The following NUP93 variants were observed in gnomAD, a reference collection of about 807,000 sequenced individuals.
NUP93 encodes the protein nuclear pore complex protein Nup93.
In NUP93, 55 loss-of-function variants were observed where a neutral mutation model predicts 107.8. That is an observed-to-expected ratio of 0.51 (90% confidence interval 0.41 to 0.64). The LOEUF is 0.64. NUP93 is among the 30% of genes least tolerant of loss of function. The pLI is 0.00. For missense variants in NUP93, 937 were observed against 1,044.7 expected (o/e 0.90, Z 1.42); for synonymous variants, 390 against 397.5 (o/e 0.98, Z 0.22).
At chr16:56,812,592 C>T (rs1340813951) in intron 5 of NUP93, among the ~76,000 whole-genome samples, 1 of 152,152 alleles carries the variant, frequency 6.6e-6, no homozygotes, top group East Asian at 1.9e-4. Flanking sequence ...ATCTGCCCGC[C>T]TCGGCCTCCC....
At chr16:56,810,622 G>A (rs991852028) in intron 5 of NUP93, among the ~76,000 whole-genome samples, 13 of 152,064 alleles carry the variant, frequency 8.5e-5, no homozygotes, top group Non-Finnish European at 1.5e-5. Flanking sequence ...CCCAGCCTGG[G>A]CAACACAGTG....
intron 5 of NUP93, 164 bp downstream of exon 5, chr16:56,805,796 C>A: frequency 1.4e-6 from 1 of 696,072 alleles, no homozygotes; most frequent in Non-Finnish European, 2.4e-6. Flanking sequence ...CTTCCTCCAA[C>A]ATGTCTGCCT....
At chr16:56,831,601 C>A in intron 10 of NUP93, 1 of 435,074 alleles carries the variant, frequency 2.3e-6, no homozygotes, top group East Asian at 4.3e-5. Flanking sequence ...CATTTCTCAC[C>A]TGCCCATGAA....
intron 5 of NUP93, among the ~76,000 whole-genome samples, chr16:56,812,789 TG>T (rs1440797888): frequency 2.6e-5 from 4 of 152,152 alleles, no homozygotes; most frequent in Admixed American, 1.3e-4. Context: ...CTCTTTAAGT[TG>T]TGATGTGAAT....
At chr16:56,744,303 C>A (rs1311798121) in intron 1 of NUP93, among the ~76,000 whole-genome samples, 2 of 152,070 alleles carry the variant, frequency 1.3e-5, no homozygotes, top group African/African-American at 4.8e-5. Context: ...TCTCTTGGGT[C>A]AAAGTTGATT....
chr16:56,837,676 G>C lies in NUP93; in HGVS notation c.1968G>C (p.Pro656=). 1 of 1,614,074 alleles carries C rather than the reference G, an allele frequency of 6.2e-7. No individual in the cohort carries two copies. The highest frequency in any genetic ancestry group is 8.5e-7 in the Non-Finnish European group (1 of 1,179,978). ...LSPVVPQISA[P]QSNKERLKNM... is the part of the protein sequence containing the mutation. ...CTGTCGTCCCCCAGATCAGTGCCCCGCAATCCAACAAGGAGAGGCTGAAGA... is the reference window on the plus strand; with the variant it reads ...CTGTCGTCCCCCAGATCAGTGCCCCCCAATCCAACAAGGAGAGGCTGAAGA... Residue 656 remains proline, a synonymous_variant, in exon 18 of 22, where the codon CCG becomes CCC. Transcript: ENST00000308159.
chr16:56,789,658 C>A (rs538628944), intron 3 of NUP93, among the ~76,000 whole-genome samples: 2 of 152,352 alleles, frequency 1.3e-5, no homozygotes, highest in South Asian at 4.1e-4. Context: ...AAATGCACAG[C>A]AAGAAATCAT....
At chr16:56,832,224 C>A in intron 11 of NUP93, 71 bp from the exon 12 acceptor site, 1 of 1,357,540 alleles carries the variant, frequency 7.4e-7, no homozygotes, top group Non-Finnish European at 1.1e-6. Flanking sequence ...GGCTGCTGAA[C>A]AGCTACAACT....
chr16:56,825,137 A>G (rs1466925910), intron 8 of NUP93, among the ~76,000 whole-genome samples: 1 of 151,308 alleles, frequency 6.6e-6, no homozygotes, highest in Non-Finnish European at 1.5e-5. Context: ...GCTCGCTGCA[A>G]CGTCTGCCTC....
At chr16:56,844,466 C>A in intron 21 of NUP93, 33 bp from the exon 22 acceptor site, 1 of 1,307,174 alleles carries the variant, frequency 7.7e-7, no homozygotes, top group Non-Finnish European at 1.0e-6. Context: ...GAAAGTTAAC[C>A]GATTTCCTTC....
chr16:56,835,218 C>A (rs1214548158), intron 16 of NUP93, among the ~76,000 whole-genome samples: 2 of 152,180 alleles, frequency 1.3e-5, no homozygotes, highest in African/African-American at 4.8e-5. Flanking sequence ...CCTGGAAATA[C>A]TTCTGGAAGC....
intron 3 of NUP93, among the ~76,000 whole-genome samples, chr16:56,761,036 A>C (rs1432336618): frequency 6.6e-6 from 1 of 152,200 alleles, no homozygotes; most frequent in African/African-American, 2.4e-5. Context: ...AAAATGCAAA[A>C]TGGTCAGTCC....
intron 3 of NUP93, among the ~76,000 whole-genome samples, chr16:56,787,286 A>G (rs1404315959): frequency 6.6e-6 from 1 of 152,240 alleles, no homozygotes; most frequent in Non-Finnish European, 1.5e-5. Flanking sequence ...TGGTGCTCCA[A>G]TCCCATCAGC....
At chr16:56,741,912 C>T (rs1173653848) in intron 1 of NUP93, 7 of 152,192 alleles carry the variant, frequency 4.6e-5, no homozygotes, top group African/African-American at 1.4e-4. Flanking sequence ...GGTGTCATCT[C>T]CCCATGCAAG....
intron 14 of NUP93, 54 bp downstream of exon 14, chr16:56,834,308 G>C (rs1963865369): frequency 1.2e-6 from 2 of 1,613,132 alleles, no homozygotes; most frequent in East Asian, 4.5e-5. Flanking sequence ...CTGCCATTCT[G>C]AGAATGACTA....
chr16:56,788,964 A>T (rs914620082), intron 3 of NUP93, among the ~76,000 whole-genome samples: 3 of 150,318 alleles, frequency 2.0e-5, no homozygotes, highest in South Asian at 4.2e-4. Flanking sequence ...AATTTATTTT[A>T]TTTTTTTTTA....
chr16:56,772,135 G>T (rs867288740), intron 3 of NUP93, among the ~76,000 whole-genome samples: 1 of 152,134 alleles, frequency 6.6e-6, no homozygotes, highest in African/African-American at 2.4e-5. Context: ...CTGGCTGTCA[G>T]CAGGAGCTGC....
Position 56,849,985 on chromosome 16 carries a change from T to C in NUP93, c.*5376T>C, listed in dbSNP as rs542389451. The stretch of plus-strand genomic sequence containing the variant: ...ACCAGGAATTTCAAATACTGTGTAT[T>C]TTAGAAAGAAAGGAAAGAGCCAAAG... On this transcript the variant is annotated 3_prime_UTR_variant, in exon 22 of 22. Coordinates refer to ENST00000308159, the MANE Select transcript of NUP93 (RefSeq NM_014669.5). 5 of 152,360 alleles carry C rather than the reference T, an allele frequency of 3.3e-5. No individual in the cohort carries two copies. Among genetic ancestry groups the C allele is most frequent in the African/African-American group, 4.8e-5 (2 of 41,594 alleles). The allele number at this position is 152,360 out of a possible 1,614,324, so 9.4% of individuals were successfully genotyped here. A position where few individuals can be genotyped will look rare whatever the true frequency, so the allele number is the denominator to read the frequency against.
rs529467039 is a variant in NUP93 at position 56,792,471 on chromosome 16, G to C, written c.298-6005G>C. On this transcript the variant is annotated intron_variant, in intron 3 of 21. Transcript: ENST00000308159. The stretch of plus-strand genomic sequence containing the variant: ...TCTGAGTCTGAACTTTGCTACGTAT[G>C]AACTGGGTCATCTGGACATAGAACC... Among the ~76,000 whole-genome samples, 3 of 152,374 alleles carry C rather than the reference G, an allele frequency of 2.0e-5. No homozygotes were observed. The East Asian group carries it at 5.8e-4, about 29-fold the overall frequency.
Sources: allele counts gnomAD v4.1 joint callset (sites outside exome capture counted in the v4.1 genomes callset), GRCh38; gene constraint gnomAD v4.1.1; transcripts MANE v1.5; gene names NCBI Gene and HGNC (gene_info 2026-07-23, HGNC 2026-07-21).